RNGTT: variants seen among roughly 807,000 people sequenced by gnomAD.
The protein encoded by RNGTT is mRNA-capping enzyme.
A neutral mutation model predicts 79.3 loss-of-function variants in RNGTT; 33 were observed. The ratio of observed to expected loss-of-function variants is 0.42; its 90% CI spans 0.32 to 0.56. The LOEUF (loss-of-function observed/expected upper bound fraction) is 0.56, where lower values mean the gene tolerates loss of function less well. RNGTT is among the 20% of genes least tolerant of loss of function. The pLI, the probability that RNGTT is intolerant of heterozygous loss-of-function variation, is 0.17. For missense variants in RNGTT, 497 were observed against 739.1 expected (o/e 0.67, Z 3.80); for synonymous variants, 222 against 235.9 (o/e 0.94, Z 0.54).
chr6:88,733,900 A>C (rs1005402943), intron 13 of RNGTT, among the ~76,000 whole-genome samples: 1 of 152,104 alleles, frequency 6.6e-6, no homozygotes, highest in Admixed American at 6.5e-5. Context: ...CTCAGACAAA[A>C]ACTGAAGGAA....
rs916893570 is a variant in RNGTT at position 88,619,703 on chromosome 6, C to G, written c.1507-5308G>C. Among the ~76,000 whole-genome samples the G allele has an allele frequency of 2.0e-5, 3 of 152,100 alleles. No individual in the cohort carries two copies. The East Asian group carries it at 5.8e-4, about 29-fold the overall frequency. On this transcript the variant is annotated intron_variant, in intron 14 of 15. Coordinates refer to ENST00000369485, the MANE Select transcript of RNGTT (RefSeq NM_003800.5). Reference sequence around the variant, plus strand: ...TTTTTTCTTTTCTGAAGTTATAATTCTACCTTTTGATAATTCAAAATCTAC... The same window carrying G: ...TTTTTTCTTTTCTGAAGTTATAATTGTACCTTTTGATAATTCAAAATCTAC...
chr6:88,924,215 A>G (rs1328644747), intron 4 of RNGTT, among the ~76,000 whole-genome samples: 2 of 152,184 alleles, frequency 1.3e-5, no homozygotes, highest in Admixed American at 6.5e-5. Flanking sequence ...AAAGTCCCCT[A>G]GGAGCTCTCA....
At chr6:88,649,293 T>C (rs901827021) in intron 14 of RNGTT, among the ~76,000 whole-genome samples, 1 of 152,062 alleles carries the variant, frequency 6.6e-6, no homozygotes, top group African/African-American at 2.4e-5. Context: ...GGGTGTTAGG[T>C]AAAATAAGGG....
At chr6:88,662,009 A>C (rs917830818) in intron 14 of RNGTT, among the ~76,000 whole-genome samples, 2 of 152,234 alleles carry the variant, frequency 1.3e-5, no homozygotes, top group Non-Finnish European at 2.9e-5. Flanking sequence ...GGGTTGGTTT[A>C]ACATATGCAA....
Position 88,640,649 on chromosome 6 carries a change from G to A in RNGTT, c.1507-26254C>T, listed in dbSNP as rs1773279871. Among the ~76,000 whole-genome samples, 5 of 151,672 alleles carry A rather than the reference G, an allele frequency of 3.3e-5. No individual in the cohort carries two copies. The South Asian group carries it at 1.0e-3, about 32-fold the overall frequency. On this transcript the variant is annotated intron_variant, in intron 14 of 15. Transcript: ENST00000369485. The stretch of plus-strand genomic sequence containing the variant: ...TTTAACTGCCCAGTAGGCAGCTGAA[G>A]ATTCAAAACTGAGGTTTTAAAAAAG...
chr6:88,949,616 A>G (rs1785176843), intron 1 of RNGTT, among the ~76,000 whole-genome samples: 1 of 152,172 alleles, frequency 6.6e-6, no homozygotes, highest in Non-Finnish European at 1.5e-5. Context: ...GTCTGAATAG[A>G]TCAAACCAGC....
intron 11 of RNGTT, among the ~76,000 whole-genome samples, chr6:88,841,880 C>T (rs1373468837): frequency 1.3e-5 from 2 of 152,194 alleles, no homozygotes; most frequent in Non-Finnish European, 2.9e-5. Flanking sequence ...AATGTGCCCC[C>T]TTATCCCTTC....
chr6:88,735,459 T>C (rs57722787), intron 13 of RNGTT, among the ~76,000 whole-genome samples: 3,884 of 151,776 alleles, frequency 0.026, 176 homozygotes, highest in African/African-American at 0.087. Context: ...AATTTAAGGT[T>C]TTTTTCAGAT....
chr6:88,686,430 G>A (rs955937993), intron 13 of RNGTT, among the ~76,000 whole-genome samples: 6 of 151,828 alleles, frequency 4.0e-5, no homozygotes, highest in Admixed American at 6.6e-5. Flanking sequence ...AAGCTCATTC[G>A]AAAATATATG....
chr6:88,916,249 G>T (rs1299864828), intron 4 of RNGTT, among the ~76,000 whole-genome samples: 1 of 152,206 alleles, frequency 6.6e-6, no homozygotes, highest in East Asian at 1.9e-4. Flanking sequence ...AAGGCGGGTA[G>T]ATCACTTGAG....
intron 11 of RNGTT, among the ~76,000 whole-genome samples, chr6:88,821,110 T>C (rs1205250755): frequency 1.3e-5 from 2 of 151,986 alleles, no homozygotes; most frequent in Non-Finnish European, 2.9e-5. Context: ...AACAGACAAA[T>C]GGATCAGTGG....
chr6:88,644,516 T>C (rs1562166909), intron 14 of RNGTT, among the ~76,000 whole-genome samples: 1 of 152,134 alleles, frequency 6.6e-6, no homozygotes, highest in Non-Finnish European at 1.5e-5. Context: ...GCCAGCATCA[T>C]CCTCATACCA....
chr6:88,853,492 G>C (rs9451096), intron 9 of RNGTT, 137 bp downstream of exon 9: 1 of 611,796 alleles, frequency 1.6e-6, no homozygotes, highest in Admixed American at 3.6e-5. Flanking sequence ...GCGACAGAGC[G>C]AGACTCCGTC....
intron 6 of RNGTT, among the ~76,000 whole-genome samples, chr6:88,899,714 G>C (rs1309370808): frequency 6.6e-6 from 1 of 152,178 alleles, no homozygotes; most frequent in Admixed American, 6.5e-5. Flanking sequence ...CCAGAGAGGT[G>C]AGCTAGACAT....
intron 13 of RNGTT, among the ~76,000 whole-genome samples, chr6:88,717,299 T>G (rs1434476438): frequency 1.3e-5 from 2 of 152,232 alleles, no homozygotes; most frequent in African/African-American, 4.8e-5. Context: ...GTGTAGAAAT[T>G]GTTGATTTGA....
intron 1 of RNGTT, among the ~76,000 whole-genome samples, chr6:88,957,276 A>C (rs1785466359): frequency 6.6e-6 from 1 of 152,216 alleles, no homozygotes; most frequent in Non-Finnish European, 1.5e-5. Context: ...CTGAATGGGG[A>C]AAGGTTGAAA....
At chr6:88,818,359 G>A (rs892377358) in intron 11 of RNGTT, among the ~76,000 whole-genome samples, 6 of 152,012 alleles carry the variant, frequency 3.9e-5, no homozygotes, top group Non-Finnish European at 7.4e-5. Flanking sequence ...GAAGCGGGTG[G>A]ATCACCCGAG....
At chr6:88,687,438 A>T (rs1237518688) in intron 13 of RNGTT, among the ~76,000 whole-genome samples, 1 of 152,206 alleles carries the variant, frequency 6.6e-6, no homozygotes, top group Admixed American at 6.5e-5. Context: ...GTCCTTGAAG[A>T]TGTACCTCCA....
chr6:88,652,625 A>G (rs1354650366), intron 14 of RNGTT, among the ~76,000 whole-genome samples: 1 of 152,156 alleles, frequency 6.6e-6, no homozygotes, highest in Non-Finnish European at 1.5e-5. Context: ...GTGGATTTCT[A>G]TGATCTAGAC....
Sources: allele counts gnomAD v4.1 joint callset (sites outside exome capture counted in the v4.1 genomes callset), GRCh38; gene constraint gnomAD v4.1.1; transcripts MANE v1.5; gene names NCBI Gene and HGNC (gene_info 2026-07-23, HGNC 2026-07-21).